LRBA: variants seen among roughly 807,000 people sequenced by gnomAD.
LRBA encodes lipopolysaccharide-responsive and beige-like anchor protein.
A neutral mutation model predicts 330.0 loss-of-function variants in LRBA; 176 were observed. The ratio of observed to expected loss-of-function variants is 0.53; its 90% CI spans 0.47 to 0.60. The LOEUF is 0.60. Among genes scored for constraint, LRBA ranks in the 20% least tolerant of loss-of-function variants. The pLI, the probability that LRBA is intolerant of heterozygous loss-of-function variation, is 0.00. For synonymous variants in LRBA, 1,230 were observed against 1,193.0 expected (o/e 1.03, Z -0.64); for missense variants, 3,259 against 3,444.8 (o/e 0.95, Z 1.35).
At position 150,435,656 on chromosome 4, in the gene LRBA, G is replaced by C; in HGVS notation, c.6974C>G (p.Ala2325Gly). ...LNLQGGKFDH[A>G]DRTFSSISRA... is the part of the protein sequence containing the mutation. ...GGAAATTGATGAAAAAGTTCGATCT[G>C]CATGATCAAATTTGCCTCCTTGCAA... The change falls in exon 46 of 57, where the codon GCA (alanine) becomes GGA (glycine). Residue 2325 changes from alanine to glycine, a missense_variant. Ala to Gly is a moderately conservative substitution (Grantham distance 60). Coordinates refer to ENST00000651943, the MANE Select transcript of LRBA (RefSeq NM_001364905.1). 6.2e-7 allele frequency: 1 copy of C among 1,612,100 alleles called. No homozygotes were observed. The highest frequency in any genetic ancestry group is 1.3e-5 in the African/African-American group (1 of 74,956).
At position 150,833,009 on chromosome 4, in the gene LRBA, C is replaced by T. The variant is rs546406509; in HGVS notation, c.4570-1033G>A. On this transcript the variant is annotated intron_variant, in intron 28 of 56. Transcript: ENST00000651943. Reference sequence around the variant, plus strand: ...CAGGCTGGTCTCGAACTCTTGGCCTCGAGCAATCCTCCTGCCTTAGCCTCC... The same window carrying T: ...CAGGCTGGTCTCGAACTCTTGGCCTTGAGCAATCCTCCTGCCTTAGCCTCC... Among the ~76,000 whole-genome samples, 4 of 152,124 alleles carry T rather than the reference C, an allele frequency of 2.6e-5. No homozygotes were observed. In the East Asian group the frequency reaches 5.8e-4, roughly 22 times the overall value.
At chr4:150,936,695 T>C (rs1735113333) in intron 2 of LRBA, among the ~76,000 whole-genome samples, 1 of 151,910 alleles carries the variant, frequency 6.6e-6, no homozygotes. Context: ...AAAGACAAAC[T>C]CTTCAACAGT....
intron 38 of LRBA, among the ~76,000 whole-genome samples, chr4:150,598,167 GA>G (rs1224024518): frequency 2.0e-5 from 3 of 152,106 alleles, no homozygotes; most frequent in Admixed American, 2.0e-4. Context: ...CCTGAAAAAG[GA>G]AAATTAAAAG....
intron 47 of LRBA, among the ~76,000 whole-genome samples, chr4:150,401,758 A>T (rs1034916543): frequency 1.3e-5 from 2 of 152,150 alleles, no homozygotes; most frequent in African/African-American, 4.8e-5. Context: ...AAATATCCCT[A>T]TTCTTAGGAG....
chr4:150,637,487 T>A (rs7686220), intron 37 of LRBA, among the ~76,000 whole-genome samples: 119,082 of 152,144 alleles, frequency 0.78, 51,301 homozygotes, highest in Non-Finnish European at 0.95. Flanking sequence ...CCTTGAGTAA[T>A]TTGCTTCTAA....
At chr4:150,893,270 T>C in intron 16 of LRBA, 121 bp from the exon 17 acceptor site, 1 of 580,968 alleles carries the variant, frequency 1.7e-6, no homozygotes, top group Non-Finnish European at 3.1e-6. Flanking sequence ...GTGTGATATA[T>C]ACTTATTTTT....
chr4:150,287,587 C>G (rs1018853207), intron 53 of LRBA, among the ~76,000 whole-genome samples: 5 of 152,144 alleles, frequency 3.3e-5, no homozygotes, highest in Admixed American at 6.5e-5. Flanking sequence ...CGGCCATGTC[C>G]CTACAATGTC....
At chr4:150,373,885 A>G (rs558265909) in intron 47 of LRBA, among the ~76,000 whole-genome samples, 4 of 152,196 alleles carry the variant, frequency 2.6e-5, no homozygotes, top group African/African-American at 9.6e-5. Context: ...CCCTCATACC[A>G]TCTAAAAATA....
intron 40 of LRBA, among the ~76,000 whole-genome samples, chr4:150,495,055 AT>A (rs570392905): frequency 8.8e-4 from 134 of 152,190 alleles, no homozygotes; most frequent in African/African-American, 3.1e-3. Context: ...CAGTAACCTT[AT>A]AAAATCATAA....
chr4:150,432,453 C>CCTTTT lies in LRBA; in HGVS notation c.7041+3135_7041+3136insAAAAG, dbSNP rs1276929990. On this transcript the variant is annotated intron_variant, in intron 46 of 56. Coordinates refer to ENST00000651943, the MANE Select transcript of LRBA (RefSeq NM_001364905.1). ...TATATTACAGTAATTTAAGTGTGTTCTTTTTTTTTTTTTTTTTTTTTTTTG... is the reference window on the plus strand; with the variant it reads ...TATATTACAGTAATTTAAGTGTGTTCCTTTTTTTTTTTTTTTTTTTTTTTTTTTTG... 4.1e-5 allele frequency among the ~76,000 whole-genome samples: 4 copies of CCTTTT among 98,426 alleles called. No homozygotes were observed. In the Admixed American group the frequency reaches 5.8e-4, roughly 14 times the overall value. The allele number at this position is 98,426 out of a possible 152,430, so 64.6% of individuals were successfully genotyped here.
At chr4:150,610,372 G>A (rs112410853) in intron 37 of LRBA, among the ~76,000 whole-genome samples, 3 of 152,224 alleles carry the variant, frequency 2.0e-5, no homozygotes, top group African/African-American at 4.8e-5. Context: ...GGTGAATCAC[G>A]AGGTCAGGAG....
chr4:150,887,843 A>G (rs1396626719), intron 17 of LRBA, among the ~76,000 whole-genome samples: 1 of 151,708 alleles, frequency 6.6e-6, no homozygotes, highest in African/African-American at 2.4e-5. Flanking sequence ...CACAAAGAAA[A>G]CCATAATGAA....
intron 40 of LRBA, among the ~76,000 whole-genome samples, chr4:150,528,732 C>T (rs933437466): frequency 4.6e-5 from 7 of 151,854 alleles, no homozygotes; most frequent in Non-Finnish European, 1.5e-5. Context: ...TAATATCTTA[C>T]TTTGTTAAAA....
At position 150,810,921 on chromosome 4, in the gene LRBA, A is replaced by G. The variant is rs571073949; in HGVS notation, c.5306-2523T>C. Among the ~76,000 whole-genome samples the G allele has an allele frequency of 2.0e-5, 3 of 152,316 alleles. No homozygotes were observed. The East Asian group carries it at 5.8e-4, about 29-fold the overall frequency. On this transcript the variant is annotated intron_variant, in intron 31 of 56. Coordinates refer to ENST00000651943, the MANE Select transcript of LRBA (RefSeq NM_001364905.1). ...CCAGCCCATTGTGACAATTTTTAAA[A>G]GCATAAATATCAATTCACATTTCAT...
chr4:150,508,253 G>GGGA (rs1761392532), intron 40 of LRBA, among the ~76,000 whole-genome samples: 1 of 88,034 alleles, frequency 1.1e-5, no homozygotes, highest in Non-Finnish European at 2.2e-5. Context: ...GGGGGGGGGG[G>GGGA]AGAAAAAGAC....
At chr4:150,787,515 TG>T (rs1248560591) in intron 34 of LRBA, among the ~76,000 whole-genome samples, 1 of 150,478 alleles carries the variant, frequency 6.6e-6, no homozygotes, top group Non-Finnish European at 1.5e-5. Context: ...CAATACTTTT[TG>T]TTTTTTTCTT....
chr4:150,408,138 G>A (rs1315789760), intron 47 of LRBA, among the ~76,000 whole-genome samples: 1 of 151,420 alleles, frequency 6.6e-6, no homozygotes, highest in East Asian at 1.9e-4. Flanking sequence ...CAACAAAATT[G>A]ACAAACCCTT....
At chr4:150,592,688 G>T (rs1158972334) in intron 38 of LRBA, among the ~76,000 whole-genome samples, 1 of 152,130 alleles carries the variant, frequency 6.6e-6, no homozygotes, top group Non-Finnish European at 1.5e-5. Context: ...AGGCTGGAGT[G>T]CAAAGGCACA....
At chr4:150,579,308 G>C (rs988975331) in intron 40 of LRBA, 1 of 456,040 alleles carries the variant, frequency 2.2e-6, no homozygotes, top group Non-Finnish European at 4.4e-6. Flanking sequence ...AGGAAGAGAG[G>C]ACCGCAAAGG....
Sources: allele counts gnomAD v4.1 joint callset (sites outside exome capture counted in the v4.1 genomes callset), GRCh38; gene constraint gnomAD v4.1.1; transcripts MANE v1.5; gene names NCBI Gene and HGNC (gene_info 2026-07-23, HGNC 2026-07-21).